PPFIA2: variants seen among roughly 807,000 people sequenced by gnomAD.
The protein encoded by PPFIA2 is liprin-alpha-2.
Under a neutral mutation model 175.5 loss-of-function variants are expected in PPFIA2, and 46 were observed. The observed-to-expected ratio is 0.26, with a 90% CI of 0.21 to 0.34. The LOEUF is 0.34. Among genes scored for constraint, PPFIA2 ranks in the 10% least tolerant of loss-of-function variants. PPFIA2 has a pLI of 1.00. For synonymous variants in PPFIA2, 568 were observed against 511.4 expected (o/e 1.11, Z -1.49); for missense variants, 1,179 against 1,506.1 (o/e 0.78, Z 3.60).
chr12:81,575,519 G>A (rs2073351356), intron 4 of PPFIA2, among the ~76,000 whole-genome samples: 2 of 151,712 alleles, frequency 1.3e-5, no homozygotes, highest in Admixed American at 1.3e-4. Context: ...CATTTATTTT[G>A]TCATCAGCAC....
At chr12:81,457,340 C>T (rs1159886576) in intron 5 of PPFIA2, among the ~76,000 whole-genome samples, 1 of 151,356 alleles carries the variant, frequency 6.6e-6, no homozygotes, top group Non-Finnish European at 1.5e-5. Flanking sequence ...GAGAACCAAA[C>T]CCAGGCCACT....
chr12:81,679,204 A>G (rs2153573368), intron 3 of PPFIA2, among the ~76,000 whole-genome samples: 1 of 152,074 alleles, frequency 6.6e-6, no homozygotes, highest in South Asian at 2.1e-4. Flanking sequence ...GCACTGTTTG[A>G]TAATATTCTG....
chr12:81,382,291 G>A (rs1038266089), intron 9 of PPFIA2, among the ~76,000 whole-genome samples: 5 of 152,166 alleles, frequency 3.3e-5, no homozygotes, highest in African/African-American at 1.2e-4. Context: ...CAGGAAGGTG[G>A]TAGTAGAGAG....
chr12:81,446,997 C>T (rs939295636), intron 5 of PPFIA2, among the ~76,000 whole-genome samples: 3 of 152,016 alleles, frequency 2.0e-5, no homozygotes, highest in Non-Finnish European at 2.9e-5. Context: ...ATAAGAGTCA[C>T]ATTTAAGGAT....
intron 16 of PPFIA2, among the ~76,000 whole-genome samples, chr12:81,355,980 T>G (rs148261809): frequency 6.6e-6 from 1 of 152,328 alleles, no homozygotes; most frequent in African/African-American, 2.4e-5. Flanking sequence ...TCCTTTGTAG[T>G]CACAACTTGG....
chr12:81,732,176 GA>G (rs2080998632), intron 3 of PPFIA2, among the ~76,000 whole-genome samples: 1 of 151,456 alleles, frequency 6.6e-6, no homozygotes, highest in Admixed American at 6.6e-5. Flanking sequence ...CAGGCAAAGT[GA>G]TGAAATCAAA....
chr12:81,669,198 G>T (rs1430955898), intron 4 of PPFIA2, among the ~76,000 whole-genome samples: 1 of 151,784 alleles, frequency 6.6e-6, no homozygotes, highest in Non-Finnish European at 1.5e-5. Flanking sequence ...TATTAATACT[G>T]ATTTTGTAAG....
At chr12:81,724,683 T>A (rs555769489) in intron 3 of PPFIA2, among the ~76,000 whole-genome samples, 48 of 151,174 alleles carry the variant, frequency 3.2e-4, no homozygotes, top group African/African-American at 1.1e-3. Flanking sequence ...CTAAGCAGTA[T>A]CCCATGATAT....
chr12:81,302,830 TGTTG>T lies in PPFIA2; in HGVS notation c.2643-3452_2643-3449del, dbSNP rs200695004. 754 of 318,132 alleles carry T rather than the reference TGTTG, an allele frequency of 2.4e-3. 7 individuals are homozygous for T. The highest frequency in any genetic ancestry group is 0.015 in the African/African-American group (703 of 46,350). The allele number at this position is 318,132 out of a possible 1,614,324, so 19.7% of individuals were successfully genotyped here. A position where few individuals can be genotyped will look rare whatever the true frequency, so the allele number is the denominator to read the frequency against. ...TTTATAAAAGGCATATATCTAGGCA[TGTTG>T]GTTTGAGAGACAAGCAATGCTAGAA... On this transcript the variant is annotated intron_variant, in intron 22 of 32. Transcript: ENST00000549396.
chr12:81,658,292 A>G (rs945862857), intron 4 of PPFIA2, among the ~76,000 whole-genome samples: 2 of 50,064 alleles, frequency 4.0e-5, no homozygotes, highest in Admixed American at 1.6e-4. Context: ...AAAGAAAAGA[A>G]AAGAAAAAAA....
At chr12:81,695,631 T>C (rs1020874196) in intron 3 of PPFIA2, among the ~76,000 whole-genome samples, 1 of 152,170 alleles carries the variant, frequency 6.6e-6, no homozygotes, top group Non-Finnish European at 1.5e-5. Flanking sequence ...AATGGCCTAA[T>C]ACAAGATACT....
intron 22 of PPFIA2, among the ~76,000 whole-genome samples, chr12:81,314,647 T>G (rs1254234535): frequency 2.0e-5 from 3 of 152,022 alleles, no homozygotes; most frequent in East Asian, 3.9e-4. Flanking sequence ...CTTCCAGATC[T>G]CCTACAATTG....
chr12:81,356,980 T>C (rs905881265), intron 16 of PPFIA2, among the ~76,000 whole-genome samples: 5 of 152,188 alleles, frequency 3.3e-5, no homozygotes, highest in African/African-American at 1.2e-4. Flanking sequence ...CAAGCTGTTA[T>C]CTGAATGTAT....
rs146971235 is a variant in PPFIA2, at chr12:81,351,858, T to C, written c.1994+1261A>G. Among the ~76,000 whole-genome samples, 399 of 151,848 alleles carry C rather than the reference T, an allele frequency of 2.6e-3. 1 individual carries two copies. Among genetic ancestry groups the C allele is most frequent in the African/African-American group, 8.9e-3 (369 of 41,416 alleles). On this transcript the variant is annotated intron_variant, in intron 17 of 32. Transcript: ENST00000549396. ...AGGTTGTGGGCTGCAGTGAGCCAGATCTGAGTTATGGCACACTAGCCTGGG... is the reference window on the plus strand; with the variant it reads ...AGGTTGTGGGCTGCAGTGAGCCAGACCTGAGTTATGGCACACTAGCCTGGG...
intron 4 of PPFIA2, among the ~76,000 whole-genome samples, chr12:81,503,750 T>G (rs927873440): frequency 6.6e-6 from 1 of 152,054 alleles, no homozygotes; most frequent in Non-Finnish European, 1.5e-5. Context: ...ATTTAAAAAT[T>G]GACCTAAAAG....
Position 81,591,121 on chromosome 12 carries a change from C to T in PPFIA2, c.303+85670G>A, listed in dbSNP as rs571375165. Among the ~76,000 whole-genome samples the T allele has an allele frequency of 4.5e-4, 52 of 114,912 alleles. 1 individual carries two copies. In the South Asian group the frequency reaches 8.7e-3, roughly 19 times the overall value. The allele number at this position is 114,912 out of a possible 152,430, so 75.4% of individuals were successfully genotyped here. ...GGTGGTCTCAGATGGAGATGAGGATCTCTTTGGGAACTGGAGCAAAGGTGA... is the reference window on the plus strand; with the variant it reads ...GGTGGTCTCAGATGGAGATGAGGATTTCTTTGGGAACTGGAGCAAAGGTGA... On this transcript the variant is annotated intron_variant, in intron 4 of 32. Transcript: ENST00000549396.
chr12:81,407,741 G>T (rs2043195129), intron 7 of PPFIA2, among the ~76,000 whole-genome samples: 1 of 152,048 alleles, frequency 6.6e-6, no homozygotes, highest in Non-Finnish European at 1.5e-5. Flanking sequence ...AGCTATCACA[G>T]GGGACACAAT....
At chr12:81,691,635 T>A (rs532260542) in intron 3 of PPFIA2, among the ~76,000 whole-genome samples, 5 of 152,152 alleles carry the variant, frequency 3.3e-5, no homozygotes, top group Admixed American at 2.0e-4. Flanking sequence ...GGAAGTATAT[T>A]AAGTTAGTCA....
chr12:81,689,154 C>T (rs1464075152), intron 3 of PPFIA2, among the ~76,000 whole-genome samples: 1 of 151,492 alleles, frequency 6.6e-6, no homozygotes, highest in Non-Finnish European at 1.5e-5. Flanking sequence ...CAACACTATC[C>T]AAAATCAGAT....
Sources: gnomAD v4.1 joint callset for allele counts (sites outside exome capture counted in the v4.1 genomes callset) on GRCh38, gnomAD v4.1.1 for gene constraint, MANE v1.5 for transcripts, NCBI Gene and HGNC (gene_info 2026-07-23, HGNC 2026-07-21) for gene names.